XIRP2: variants seen among roughly 807,000 people sequenced by gnomAD.
The protein encoded by XIRP2 is xin actin binding repeat containing 2.
In XIRP2, 236 loss-of-function variants were observed where a neutral mutation model predicts 277.0. The ratio of observed to expected loss-of-function variants is 0.85; its 90% CI spans 0.77 to 0.95. The LOEUF (loss-of-function observed/expected upper bound fraction) is 0.95. XIRP2 is among the 40% of genes least tolerant of loss of function. The probability of loss-of-function intolerance (pLI) is 0.00; values close to 1 mark genes in which losing one functional copy is unlikely to be tolerated. For synonymous variants in XIRP2, 1,490 were observed against 1,416.5 expected (o/e 1.05, Z -1.17); for missense variants, 4,640 against 4,157.5 (o/e 1.12, Z -3.19).
At chr2:167,071,294 A>G (rs1304422978) in intron 2 of XIRP2, among the ~76,000 whole-genome samples, 1 of 152,240 alleles carries the variant, frequency 6.6e-6, no homozygotes, top group Non-Finnish European at 1.5e-5. Context: ...GCAGCGTTTT[A>G]CACAGAAAAG....
At chr2:167,006,978 T>G (rs1301342713) in intron 2 of XIRP2, among the ~76,000 whole-genome samples, 3 of 151,678 alleles carry the variant, frequency 2.0e-5, no homozygotes, top group African/African-American at 7.3e-5. Context: ...TTCAATGGAT[T>G]GCAGAATTAA....
intron 2 of XIRP2, among the ~76,000 whole-genome samples, chr2:167,071,124 G>C (rs777327162): frequency 1.3e-5 from 2 of 152,138 alleles, no homozygotes; most frequent in Non-Finnish European, 2.9e-5. Context: ...AGGGTTATTA[G>C]CACTCTCCTA....
At chr2:166,940,864 G>T (rs937951264) in intron 2 of XIRP2, among the ~76,000 whole-genome samples, 2 of 152,190 alleles carry the variant, frequency 1.3e-5, no homozygotes, top group African/African-American at 2.4e-5. Flanking sequence ...CTACTTGGGG[G>T]TGCCTCCCTG....
intron 2 of XIRP2, among the ~76,000 whole-genome samples, chr2:167,053,942 ATTGTAC>A (rs1688979723): frequency 6.6e-6 from 1 of 152,218 alleles, no homozygotes; most frequent in South Asian, 2.1e-4. Context: ...GTTCCCTGAA[ATTGTAC>A]TTCAGTGAAA....
chr2:167,052,937 A>G (rs900300341), intron 2 of XIRP2, among the ~76,000 whole-genome samples: 5 of 152,190 alleles, frequency 3.3e-5, no homozygotes, highest in African/African-American at 1.2e-4. Context: ...AGACATCCAA[A>G]AATAAAACCA....
At chr2:167,038,727 C>T (rs1688581474) in intron 2 of XIRP2, among the ~76,000 whole-genome samples, 1 of 151,802 alleles carries the variant, frequency 6.6e-6, no homozygotes, top group African/African-American at 2.4e-5. Flanking sequence ...ATCTCAGTGA[C>T]TTAAAGATAA....
chr2:166,904,450 T>C (rs1191644987), intron 2 of XIRP2, among the ~76,000 whole-genome samples: 1 of 152,144 alleles, frequency 6.6e-6, no homozygotes, highest in African/African-American at 2.4e-5. Flanking sequence ...TTTTAAACAC[T>C]AAGGGTAGAG....
At position 167,248,275 on chromosome 2, in the gene XIRP2, C is replaced by T. The variant is rs764391703; in HGVS notation, c.6883C>T (p.Pro2295Ser). The T allele has an allele frequency of 1.8e-5, 29 of 1,613,660 alleles. No individual in the cohort carries two copies. The highest frequency in any genetic ancestry group is 2.2e-5 in the South Asian group (2 of 91,074). The change falls in exon 9 of 11, where the codon CCT becomes TCT. Residue 2295 changes from proline (P) to serine (S), a missense_variant. Transcript: ENST00000409195. ...SECPLPPPSP[P>S]PPPPSNASSE... ...GTGCCCCCTTCCACCTCCATCTCCA[C>T]CTCCTCCACCACCTTCTAATGCATC...
chr2:167,062,559 T>C (rs1689197980), intron 2 of XIRP2, among the ~76,000 whole-genome samples: 1 of 152,164 alleles, frequency 6.6e-6, no homozygotes, highest in Non-Finnish European at 1.5e-5. Context: ...TCCCCTCTTC[T>C]GTTTCTGGGT....
At chr2:167,126,727 A>T (rs912160889) in intron 2 of XIRP2, among the ~76,000 whole-genome samples, 8 of 152,142 alleles carry the variant, frequency 5.3e-5, no homozygotes, top group Non-Finnish European at 1.2e-4. Context: ...GGCTGACAGC[A>T]GTGATCTTCT....
intron 2 of XIRP2, among the ~76,000 whole-genome samples, chr2:166,944,394 A>AT (rs1193157327): frequency 6.6e-6 from 1 of 152,218 alleles, no homozygotes; most frequent in African/African-American, 2.4e-5. Context: ...GGAATCTAAA[A>AT]ATATGTGCTT....
intron 2 of XIRP2, among the ~76,000 whole-genome samples, chr2:167,057,994 G>A (rs1264534979): frequency 6.8e-6 from 1 of 146,764 alleles, no homozygotes; most frequent in Admixed American, 6.7e-5. Flanking sequence ...AGGGCTTCCC[G>A]TTATGCATGT....
intron 2 of XIRP2, among the ~76,000 whole-genome samples, chr2:167,117,980 A>C (rs111544525): frequency 0.03 from 4,623 of 152,322 alleles, 78 homozygotes; most frequent in East Asian, 0.05. Context: ...CAGAAAAACC[A>C]CACTTGACAT....
At chr2:167,070,152 T>A (rs1689402740) in intron 2 of XIRP2, among the ~76,000 whole-genome samples, 1 of 151,794 alleles carries the variant, frequency 6.6e-6, no homozygotes. Context: ...CTTGTAGAAG[T>A]AAAATCTACT....
intron 2 of XIRP2, among the ~76,000 whole-genome samples, chr2:166,929,595 T>C (rs1368590333): frequency 2.0e-5 from 3 of 152,168 alleles, no homozygotes; most frequent in African/African-American, 7.2e-5. Context: ...GCAGTATTAA[T>C]GGGGAATATT....
At chr2:167,135,851 A>T in intron 2 of XIRP2, 58 bp from the exon 3 acceptor site, 1 of 1,425,498 alleles carries the variant, frequency 7.0e-7, no homozygotes, top group Non-Finnish European at 9.3e-7. Context: ...CCCCTAAAAA[A>T]CACATCTGTT....
intron 2 of XIRP2, among the ~76,000 whole-genome samples, chr2:167,032,153 A>T (rs1332022532): frequency 6.6e-6 from 1 of 152,170 alleles, no homozygotes; most frequent in Non-Finnish European, 1.5e-5. Flanking sequence ...GACACCACAC[A>T]TCTACAACCA....
At chr2:167,148,554 C>G (rs764199193) in intron 3 of XIRP2, among the ~76,000 whole-genome samples, 2 of 151,364 alleles carry the variant, frequency 1.3e-5, no homozygotes, top group Non-Finnish European at 2.9e-5. Context: ...ATTAGAGTAT[C>G]GAAAACTGCA....
intron 2 of XIRP2, among the ~76,000 whole-genome samples, chr2:166,910,632 A>G (rs1248340128): frequency 6.6e-6 from 1 of 151,850 alleles, no homozygotes; most frequent in African/African-American, 2.4e-5. Context: ...CTCTGATCCT[A>G]GTTATTTCTT....
Sources: gnomAD v4.1 joint callset for allele counts (sites outside exome capture counted in the v4.1 genomes callset) on GRCh38, gnomAD v4.1.1 for gene constraint, MANE v1.5 for transcripts, NCBI Gene and HGNC (gene_info 2026-07-23, HGNC 2026-07-21) for gene names.